Variants in SCHIP1 observed in about 807,000 individuals in gnomAD.
SCHIP1 encodes schwannomin interacting protein 1.
SCHIP1 carries 8 observed loss-of-function variants against 29.7 expected under a neutral mutation model. The observed-to-expected ratio is 0.27, with a 90% confidence interval of 0.16 to 0.49. SCHIP1 has a LOEUF of 0.49. Among genes scored for constraint, SCHIP1 ranks in the 20% least tolerant of loss-of-function variants. The pLI, the probability that SCHIP1 is intolerant of heterozygous loss-of-function variation, is 0.99. For synonymous variants in SCHIP1, 76 were observed against 94.9 expected (o/e 0.80, Z 1.16); for missense variants, 193 against 294.6 (o/e 0.66, Z 2.52).
At chr3:159,718,393 A>G in the SCHIP1 span, among the ~76,000 whole-genome samples, 1 of 152,234 alleles carries the variant, frequency 6.6e-6, no homozygotes, top group African/African-American at 2.4e-5. Context: ...GAAATCAGGC[A>G]GAAGAAAGAA....
the SCHIP1 span, chr3:159,764,710 G>T: frequency 6.3e-7 from 1 of 1,576,858 alleles, no homozygotes. This position sits in a 1 kb window ranked among gnomAD's most constrained non-coding sequence, Gnocchi z 6.1. Flanking sequence ...CGACCAGCGA[G>T]GGTACCGGGA....
chr3:159,274,717 T>C, the SCHIP1 span: 1 of 820,916 alleles, frequency 1.2e-6, no homozygotes, highest in African/African-American at 1.9e-5. Context: ...TATTCAAATT[T>C]TTTTCTAAGA....
At chr3:159,839,917 C>A in exon 1 of SCHIP1, 1 of 1,402,876 alleles carries the variant, frequency 7.1e-7, no homozygotes, top group South Asian at 1.6e-5. Context: ...GCGCCCCCTC[C>A]CCCAGCCCGG....
chr3:159,453,669 A>G, the SCHIP1 span, among the ~76,000 whole-genome samples: 3 of 152,146 alleles, frequency 2.0e-5, no homozygotes, highest in Non-Finnish European at 4.4e-5. Context: ...TACAAATATA[A>G]AGCACCCCAT....
the SCHIP1 span, among the ~76,000 whole-genome samples, chr3:159,332,981 G>C: frequency 1.3e-5 from 2 of 152,178 alleles, no homozygotes; most frequent in Non-Finnish European, 2.9e-5. Context: ...TTCAGTGCCT[G>C]TTGGAGACAC....
chr3:159,297,126 T>TTG, the SCHIP1 span, among the ~76,000 whole-genome samples: 28,922 of 142,922 alleles, frequency 0.2, 3,324 homozygotes, highest in East Asian at 0.32. Flanking sequence ...TAATATTCCA[T>TTG]TGTGTGTGTG....
the SCHIP1 span, among the ~76,000 whole-genome samples, chr3:159,425,583 A>G: frequency 1.2e-4 from 18 of 152,270 alleles, no homozygotes; most frequent in East Asian, 1.3e-3. Flanking sequence ...ACTCCCACAC[A>G]TTAATAATGG....
At chr3:159,559,061 G>A in the SCHIP1 span, among the ~76,000 whole-genome samples, 1 of 152,160 alleles carries the variant, frequency 6.6e-6, no homozygotes, top group Non-Finnish European at 1.5e-5. Context: ...TTCCCAGAAG[G>A]AATGAACAAA....
chr3:159,619,492 C>T, the SCHIP1 span, among the ~76,000 whole-genome samples: 2 of 152,330 alleles, frequency 1.3e-5, no homozygotes, highest in African/African-American at 4.8e-5. Context: ...CATCAGTGGG[C>T]TTAAACGCTT....
chr3:159,394,494 T>C, the SCHIP1 span, among the ~76,000 whole-genome samples: 1 of 152,222 alleles, frequency 6.6e-6, no homozygotes, highest in Non-Finnish European at 1.5e-5. Flanking sequence ...GTCCCATCAA[T>C]ACCTAATTTA....
the SCHIP1 span, among the ~76,000 whole-genome samples, chr3:159,585,365 T>C: frequency 1.3e-5 from 2 of 152,144 alleles, no homozygotes; most frequent in Admixed American, 6.6e-5. Flanking sequence ...CAGAGACAAC[T>C]TGGTAATTTT....
At chr3:159,543,913 C>T in the SCHIP1 span, among the ~76,000 whole-genome samples, 4 of 151,966 alleles carry the variant, frequency 2.6e-5, no homozygotes, top group Admixed American at 1.3e-4. Flanking sequence ...TGCCATAGAA[C>T]GGCACTTTTA....
chr3:159,498,969 C>A, the SCHIP1 span, among the ~76,000 whole-genome samples: 1 of 152,160 alleles, frequency 6.6e-6, no homozygotes, highest in Admixed American at 6.5e-5. Context: ...TTCATTGGCT[C>A]TCCTAGTAGA....
intron 2 of SCHIP1, among the ~76,000 whole-genome samples, chr3:159,881,402 G>A (rs985241986): frequency 6.6e-6 from 1 of 152,172 alleles, no homozygotes; most frequent in Non-Finnish European, 1.5e-5. Flanking sequence ...GGGATATTGA[G>A]TAATGAATGG....
At chr3:159,671,651 G>A in the SCHIP1 span, among the ~76,000 whole-genome samples, 1 of 152,086 alleles carries the variant, frequency 6.6e-6, no homozygotes, top group Non-Finnish European at 1.5e-5. Context: ...CTGGCAGTGT[G>A]GTGCAGATGC....
At chr3:159,651,197 G>T in the SCHIP1 span, among the ~76,000 whole-genome samples, 1 of 152,090 alleles carries the variant, frequency 6.6e-6, no homozygotes, top group South Asian at 2.1e-4. Flanking sequence ...TAAATATCTA[G>T]CATCAGTTAT....
the SCHIP1 span, among the ~76,000 whole-genome samples, chr3:159,751,393 A>G: frequency 1.3e-5 from 2 of 152,354 alleles, no homozygotes; most frequent in African/African-American, 4.8e-5. Flanking sequence ...TTATGACCCC[A>G]TAGTGTGCTG....
intron 2 of SCHIP1, among the ~76,000 whole-genome samples, chr3:159,869,034 T>G (rs1714952258): frequency 6.6e-6 from 1 of 152,064 alleles, no homozygotes; most frequent in African/African-American, 2.4e-5. Flanking sequence ...TTAGCCGTAT[T>G]TGTTTTCTCT....
chr3:159,276,466 C>T, the SCHIP1 span, among the ~76,000 whole-genome samples: 3 of 152,174 alleles, frequency 2.0e-5, no homozygotes, highest in African/African-American at 7.2e-5. Context: ...CAGAGAATCA[C>T]TATAGATTGA....
Sources: gnomAD v4.1 joint callset for allele counts (sites outside exome capture counted in the v4.1 genomes callset) on GRCh38, gnomAD v4.1.1 for gene constraint, Gnocchi (gnomAD v3.1) non-coding constraint, MANE v1.5 for transcripts, NCBI Gene and HGNC (gene_info 2026-07-23, HGNC 2026-07-21) for gene names.